Variants in AFG2A observed in about 807,000 individuals in gnomAD.
AFG2A encodes the protein ATPase family gene 2 protein homolog A.
the AFG2A span, among the ~76,000 whole-genome samples, chr4:123,003,733 G>T: frequency 1.3e-5 from 2 of 152,178 alleles, no homozygotes; most frequent in African/African-American, 4.8e-5. Context: ...GTGCCTTCCA[G>T]TTGGGGTGCT....
chr4:122,926,694 T>C, the AFG2A span, among the ~76,000 whole-genome samples: 2 of 152,240 alleles, frequency 1.3e-5, no homozygotes, highest in African/African-American at 4.8e-5. Context: ...TATATATGTT[T>C]ACAATAAATT....
At chr4:123,121,014 G>A in the AFG2A span, among the ~76,000 whole-genome samples, 1 of 152,046 alleles carries the variant, frequency 6.6e-6, no homozygotes, top group Admixed American at 6.6e-5. Flanking sequence ...TACCTTTCAG[G>A]GAAATAAGAT....
At chr4:123,182,273 C>T in the AFG2A span, among the ~76,000 whole-genome samples, 1 of 152,132 alleles carries the variant, frequency 6.6e-6, no homozygotes, top group Non-Finnish European at 1.5e-5. Flanking sequence ...AATTTAAAAA[C>T]CACTAACTAG....
chr4:123,056,427 G>T, the AFG2A span: 1 of 1,612,772 alleles, frequency 6.2e-7, no homozygotes, highest in South Asian at 1.1e-5. Flanking sequence ...GAATCTGAAA[G>T]AGCAGTTAGA....
the AFG2A span, among the ~76,000 whole-genome samples, chr4:123,009,236 CCAAA>C: frequency 1.1e-4 from 17 of 152,298 alleles, no homozygotes; most frequent in Admixed American, 9.2e-4. Flanking sequence ...GAAGTCACTA[CCAAA>C]CAGAGAAGTT....
At chr4:123,234,307 C>A in the AFG2A span, among the ~76,000 whole-genome samples, 1 of 152,024 alleles carries the variant, frequency 6.6e-6, no homozygotes, top group East Asian at 1.9e-4. Flanking sequence ...CCACTCTGAC[C>A]TTTTACAATT....
chr4:123,003,321 C>T, the AFG2A span, among the ~76,000 whole-genome samples: 2 of 152,228 alleles, frequency 1.3e-5, no homozygotes, highest in African/African-American at 2.4e-5. Flanking sequence ...AGTCATTCTC[C>T]GTCCAGCTTT....
chr4:123,232,177 GCA>G, the AFG2A span, among the ~76,000 whole-genome samples: 1 of 151,902 alleles, frequency 6.6e-6, no homozygotes, highest in Non-Finnish European at 1.5e-5. Flanking sequence ...AAAGCATAGT[GCA>G]ATAAAATGAG....
At chr4:123,038,795 A>G in the AFG2A span, among the ~76,000 whole-genome samples, 1 of 152,072 alleles carries the variant, frequency 6.6e-6, no homozygotes, top group Non-Finnish European at 1.5e-5. Flanking sequence ...AGAGTTTCAA[A>G]TGTCTTAATT....
the AFG2A span, among the ~76,000 whole-genome samples, chr4:123,020,446 G>C: frequency 6.6e-6 from 1 of 150,564 alleles, no homozygotes; most frequent in Non-Finnish European, 1.5e-5. Flanking sequence ...TCGGCTCAGT[G>C]TAACCTCCGC....
chr4:123,220,407 C>G, the AFG2A span, among the ~76,000 whole-genome samples: 1 of 151,476 alleles, frequency 6.6e-6, no homozygotes, highest in African/African-American at 2.4e-5. Flanking sequence ...ATCAGGAGTT[C>G]CAGACCAGCC....
the AFG2A span, chr4:122,923,233 C>A: frequency 2.5e-6 from 4 of 1,614,084 alleles, no homozygotes; most frequent in South Asian, 3.3e-5. Flanking sequence ...TGCGGAGGCA[C>A]GGGCTCCTTC....
the AFG2A span, among the ~76,000 whole-genome samples, chr4:123,070,816 C>T: frequency 4.6e-5 from 7 of 152,204 alleles, no homozygotes; most frequent in African/African-American, 1.4e-4. Flanking sequence ...TGAACCCAAG[C>T]ATATTAAATA....
At chr4:123,017,150 G>T in the AFG2A span, among the ~76,000 whole-genome samples, 3 of 84,240 alleles carry the variant, frequency 3.6e-5, 1 homozygote, top group Admixed American at 2.4e-4. Flanking sequence ...AGAGGGAGAG[G>T]GGGGAGAGGG....
At chr4:123,197,803 A>G in the AFG2A span, among the ~76,000 whole-genome samples, 1 of 152,052 alleles carries the variant, frequency 6.6e-6, no homozygotes, top group African/African-American at 2.4e-5. Flanking sequence ...ATAAGCATAC[A>G]TACTTTACCT....
At chr4:123,107,840 A>C in the AFG2A span, among the ~76,000 whole-genome samples, 13 of 152,214 alleles carry the variant, frequency 8.5e-5, no homozygotes, top group Admixed American at 6.5e-5. Flanking sequence ...GCACAGGCAC[A>C]CCCAGTTGAG....
chr4:123,065,054 T>C, the AFG2A span, among the ~76,000 whole-genome samples: 8 of 152,168 alleles, frequency 5.3e-5, no homozygotes, highest in East Asian at 1.2e-3. Context: ...ATATTGACTA[T>C]AGAGCAGATA....
At chr4:123,150,396 C>G in the AFG2A span, among the ~76,000 whole-genome samples, 1 of 152,180 alleles carries the variant, frequency 6.6e-6, no homozygotes, top group African/African-American at 2.4e-5. Context: ...AGCCCAAAAA[C>G]TCCTTAAGCT....
At chr4:122,929,874 C>G in the AFG2A span, among the ~76,000 whole-genome samples, 1 of 152,040 alleles carries the variant, frequency 6.6e-6, no homozygotes, top group East Asian at 1.9e-4. Flanking sequence ...TATTAGACAA[C>G]CCAAGCTAAA....
Sources: gnomAD v4.1 joint callset for allele counts (sites outside exome capture counted in the v4.1 genomes callset) on GRCh38, gnomAD v4.1.1 for gene constraint, MANE v1.5 for transcripts, NCBI Gene and HGNC (gene_info 2026-07-23, HGNC 2026-07-21) for gene names.